NKAIN3: variants seen among roughly 807,000 people sequenced by gnomAD.
NKAIN3 encodes the protein sodium/potassium-transporting ATPase subunit beta-1-interacting protein 3.
NKAIN3 carries 25 observed loss-of-function variants against 30.2 expected under a neutral mutation model. The observed-to-expected ratio is 0.83, with a 90% CI of 0.60 to 1.16. NKAIN3 has a LOEUF of 1.16. Ranked by LOEUF, NKAIN3 falls within the 50% of genes most tolerant of loss-of-function variation. NKAIN3 has a pLI of 0.00. For synonymous variants in NKAIN3, 91 were observed against 89.6 expected, an observed-to-expected ratio of 1.02 and a Z score of -0.09; for missense variants, 225 against 254.1, an observed-to-expected ratio of 0.89 and a Z score of 0.78.
chr8:62,495,565 T>A (rs896405453), intron 1 of NKAIN3, among the ~76,000 whole-genome samples: 7 of 146,772 alleles, frequency 4.8e-5, no homozygotes, highest in African/African-American at 1.3e-4. Context: ...ATATATATAT[T>A]ATATAAATAT....
At chr8:62,942,239 T>C (rs536139238) in intron 5 of NKAIN3, among the ~76,000 whole-genome samples, 4 of 101,736 alleles carry the variant, frequency 3.9e-5, no homozygotes, top group Admixed American at 1.0e-4. Context: ...TATATACACA[T>C]ATATATACAT....
intron 1 of NKAIN3, among the ~76,000 whole-genome samples, chr8:62,573,805 G>C (rs1810021908): frequency 6.6e-6 from 1 of 151,984 alleles, no homozygotes; most frequent in Non-Finnish European, 1.5e-5. Flanking sequence ...TTATGATAAA[G>C]GCTTGCAATG....
intron 4 of NKAIN3, among the ~76,000 whole-genome samples, chr8:62,788,914 C>T (rs1425531859): frequency 2.0e-5 from 3 of 152,216 alleles, no homozygotes; most frequent in Middle Eastern, 3.4e-3. Flanking sequence ...GAACCAGTAC[C>T]GTTCTGTTTT....
chr8:62,380,023 A>C (rs1386172349), intron 1 of NKAIN3, among the ~76,000 whole-genome samples: 1 of 152,208 alleles, frequency 6.6e-6, no homozygotes, highest in African/African-American at 2.4e-5. Context: ...AATGTATTTA[A>C]GGAAAAGTGC....
At chr8:62,548,747 A>G (rs1255099062) in intron 1 of NKAIN3, among the ~76,000 whole-genome samples, 1 of 151,178 alleles carries the variant, frequency 6.6e-6, no homozygotes, top group Non-Finnish European at 1.5e-5. Context: ...ATATGTATGT[A>G]TGTACATAGT....
intron 5 of NKAIN3, among the ~76,000 whole-genome samples, chr8:62,997,013 T>G (rs1051479178): frequency 2.6e-4 from 40 of 152,310 alleles, no homozygotes; most frequent in African/African-American, 9.6e-4. Context: ...GGTGGCCCTC[T>G]TCTCACAGTT....
intron 1 of NKAIN3, among the ~76,000 whole-genome samples, chr8:62,529,078 A>G (rs1188420082): frequency 6.6e-6 from 1 of 152,056 alleles, no homozygotes; most frequent in Admixed American, 6.6e-5. Context: ...TTTATCATCC[A>G]TAGCAGATGA....
At chr8:62,847,023 T>C (rs559855033) in intron 4 of NKAIN3, among the ~76,000 whole-genome samples, 1 of 152,278 alleles carries the variant, frequency 6.6e-6, no homozygotes, top group South Asian at 2.1e-4. Flanking sequence ...CATCTGTCCC[T>C]GCCCTTGACA....
At chr8:62,679,845 C>A (rs1454168183) in intron 3 of NKAIN3, among the ~76,000 whole-genome samples, 1 of 152,154 alleles carries the variant, frequency 6.6e-6, no homozygotes, top group African/African-American at 2.4e-5. Context: ...TACAATTCAA[C>A]ATGATATTTG....
At chr8:62,800,557 G>A (rs887845925) in intron 4 of NKAIN3, among the ~76,000 whole-genome samples, 1 of 152,124 alleles carries the variant, frequency 6.6e-6, no homozygotes, top group East Asian at 1.9e-4. Context: ...GCACCTTCCA[G>A]GGATTTTCTC....
At chr8:62,828,101 A>G (rs1819079946) in intron 4 of NKAIN3, among the ~76,000 whole-genome samples, 1 of 152,214 alleles carries the variant, frequency 6.6e-6, no homozygotes, top group African/African-American at 2.4e-5. Context: ...AAATTTAAAA[A>G]AACTATTGCT....
At chr8:62,417,770 T>G (rs1270340138) in intron 1 of NKAIN3, among the ~76,000 whole-genome samples, 1 of 152,208 alleles carries the variant, frequency 6.6e-6, no homozygotes, top group African/African-American at 2.4e-5. Context: ...TATTTGTCTT[T>G]TTTTTGAGAA....
intron 3 of NKAIN3, among the ~76,000 whole-genome samples, chr8:62,617,943 A>G (rs1811510260): frequency 6.6e-6 from 1 of 152,238 alleles, no homozygotes; most frequent in African/African-American, 2.4e-5. Flanking sequence ...CATAATACAA[A>G]GTGATAGGAA....
At chr8:62,678,841 G>T (rs891665409) in intron 3 of NKAIN3, among the ~76,000 whole-genome samples, 2 of 151,978 alleles carry the variant, frequency 1.3e-5, no homozygotes, top group Admixed American at 1.3e-4. Flanking sequence ...AGTTAGTGTT[G>T]TGATTTATCA....
intron 1 of NKAIN3, among the ~76,000 whole-genome samples, chr8:62,272,465 C>T (rs556244432): frequency 6.6e-6 from 1 of 152,166 alleles, no homozygotes; most frequent in East Asian, 1.9e-4. Flanking sequence ...CTGGGTTCTC[C>T]GACAGGAAGG....
intron 1 of NKAIN3, among the ~76,000 whole-genome samples, chr8:62,566,615 C>T (rs927073819): frequency 1.3e-5 from 2 of 152,056 alleles, no homozygotes; most frequent in Non-Finnish European, 2.9e-5. Context: ...TATGTAAAAT[C>T]TTTCTCTCCA....
chr8:62,404,991 G>C (rs12541660), intron 1 of NKAIN3, among the ~76,000 whole-genome samples: 1 of 152,016 alleles, frequency 6.6e-6, no homozygotes, highest in Non-Finnish European at 1.5e-5. Flanking sequence ...TGCTGCAACC[G>C]AGTCCTTCCT....
intron 1 of NKAIN3, among the ~76,000 whole-genome samples, chr8:62,540,162 A>C (rs773795955): frequency 1.3e-5 from 2 of 152,220 alleles, no homozygotes; most frequent in Non-Finnish European, 2.9e-5. Context: ...TGCTCTCAAA[A>C]GGAAACAATT....
rs1563942244 is a variant in NKAIN3, at chr8:62,345,348, CATATACACATATATGTATATATACACAT to C, written c.54+96226_54+96253del. Among the ~76,000 whole-genome samples, 11 of 9,630 alleles carry C rather than the reference CATATACACATATATGTATATATACACAT, an allele frequency of 1.1e-3. 1 individual carries two copies. The highest frequency in any genetic ancestry group is 1.4e-3 in the Admixed American group (1 of 706). 6.3% of individuals were successfully genotyped at this position (9,630 alleles called of 152,430 possible). On this transcript the variant is annotated intron_variant, in intron 1 of 6. Transcript: ENST00000623646. Reference sequence around the variant, plus strand: ...ATACACATATATGTATATATACACACATATACACATATATGTATATATACACATATATGTATATATACACACATATACA... The same window carrying C: ...ATACACATATATGTATATATACACACATATGTATATATACACACATATACA...
Sources: allele counts gnomAD v4.1 joint callset (sites outside exome capture counted in the v4.1 genomes callset), GRCh38; gene constraint gnomAD v4.1.1; transcripts MANE v1.5; gene names NCBI Gene and HGNC (gene_info 2026-07-23, HGNC 2026-07-21).